Variants in KLHL13 observed in about 807,000 individuals in gnomAD.
KLHL13 encodes the protein kelch-like protein 13.
Under a neutral mutation model 37.1 loss-of-function variants are expected in KLHL13, and 10 were observed. The ratio of observed to expected loss-of-function variants is 0.27; its 90% CI spans 0.17 to 0.46. KLHL13 has a LOEUF of 0.46. Ranked by LOEUF, KLHL13 falls within the 20% of genes least tolerant of loss-of-function variation. The pLI, the probability that KLHL13 is intolerant of heterozygous loss-of-function variation, is 1.00. For synonymous variants in KLHL13, 163 were observed against 181.2 expected (o/e 0.90, Z 0.81); for missense variants, 360 against 509.3 (o/e 0.71, Z 2.82).
At chrX:118,080,246 T>C (rs900462126) in intron 1 of KLHL13, among the ~76,000 whole-genome samples, 9 of 111,589 alleles carry the variant, frequency 8.1e-5, no homozygotes, top group African/African-American at 2.9e-4. Flanking sequence ...CCAAAAGCAA[T>C]TGCAACAAAA....
rs770186746 is a variant in KLHL13, at chrX:118,067,285, A to T, written c.-56+49223T>A. ...CAGTATAAAAGATAAAAAATGGTAC[A>T]CCTGTATAGGGCACTTAGCATGAAT... On this transcript the variant is annotated intron_variant, in intron 1 of 6. Transcript: ENST00000371882. Among the ~76,000 whole-genome samples the T allele has an allele frequency of 2.7e-5, 3 of 111,473 alleles. No individual in the cohort carries two copies. In the South Asian group the frequency reaches 1.1e-3, roughly 42 times the overall value.
intron 1 of KLHL13, among the ~76,000 whole-genome samples, chrX:118,109,731 A>G (rs927091921): frequency 8.9e-6 from 1 of 112,576 alleles, no homozygotes; most frequent in African/African-American, 3.2e-5. Flanking sequence ...TGTTTAGACT[A>G]GCACAATGCT....
intron 1 of KLHL13, among the ~76,000 whole-genome samples, chrX:118,082,617 T>TC (rs773398166): frequency 9.0e-4 from 100 of 111,541 alleles, no homozygotes; most frequent in Non-Finnish European, 6.6e-4. Context: ...TGTAATCCCA[T>TC]CTGTCTATTT....
chrX:118,076,525 G>A (rs1273250775), intron 1 of KLHL13, among the ~76,000 whole-genome samples: 2 of 111,461 alleles, frequency 1.8e-5, no homozygotes, highest in Non-Finnish European at 3.8e-5. Flanking sequence ...AGAAGGACTG[G>A]GAAGAAGAGA....
chrX:118,108,848 C>G (rs1178490339), intron 1 of KLHL13, among the ~76,000 whole-genome samples: 2 of 111,193 alleles, frequency 1.8e-5, no homozygotes, highest in East Asian at 5.6e-4. Flanking sequence ...ACTCCGTCAC[C>G]CAGACTGAAG....
intron 4 of KLHL13, among the ~76,000 whole-genome samples, chrX:117,913,905 C>G (rs1477093950): frequency 9.2e-6 from 1 of 108,740 alleles, no homozygotes; most frequent in Non-Finnish European, 1.9e-5. Flanking sequence ...CCTGTGGGAA[C>G]CTATAAAATT....
chrX:118,084,184 A>C (rs1182731262), intron 1 of KLHL13, among the ~76,000 whole-genome samples: 1 of 110,547 alleles, frequency 9.0e-6, no homozygotes, highest in Non-Finnish European at 1.9e-5. Context: ...TTAAAAACTT[A>C]GCTGGAAGTG....
chrX:118,098,181 T>C (rs1172149560), intron 1 of KLHL13, among the ~76,000 whole-genome samples: 19 of 111,236 alleles, frequency 1.7e-4, no homozygotes, highest in African/African-American at 5.5e-4. Context: ...ACCTACTCAT[T>C]GGACAAAGGG....
chrX:118,019,035 T>C lies in KLHL13; in HGVS notation c.-55-73460A>G, dbSNP rs1355433868. Among the ~76,000 whole-genome samples the C allele has an allele frequency of 6.3e-5, 7 of 111,223 alleles. No individual in the cohort carries two copies. In the East Asian group the frequency reaches 2.0e-3, roughly 31 times the overall value. On this transcript the variant is annotated intron_variant, in intron 1 of 6. Coordinates refer to the KLHL13 transcript ENST00000371882. Reference sequence around the variant, plus strand: ...AAACAAATTAATATATCCATCACCTTCCAGAGTTGCCTTTTTGTGTGGTAA... The same window carrying C: ...AAACAAATTAATATATCCATCACCTCCCAGAGTTGCCTTTTTGTGTGGTAA...
intron 1 of KLHL13, among the ~76,000 whole-genome samples, chrX:118,062,542 G>T (rs2054753178): frequency 9.2e-6 from 1 of 108,500 alleles, no homozygotes; most frequent in Non-Finnish European, 1.9e-5. Flanking sequence ...AAAACTTTTT[G>T]TTTTAAAAAA....
Position 117,972,924 on chromosome X carries a change from C to T in KLHL13, c.-96G>A, listed in dbSNP as rs995297882. On this transcript the variant is annotated 5_prime_UTR_variant, in exon 1 of 7. Coordinates refer to ENST00000262820, the Ensembl canonical transcript of KLHL13. Reference sequence around the variant, plus strand: ...CCACACTGTACTGACACAGCAGTGGCTGCCGCGGAGAACAAGCAAAGGATT... The same window carrying T: ...CCACACTGTACTGACACAGCAGTGGTTGCCGCGGAGAACAAGCAAAGGATT... The T allele has an allele frequency of 4.9e-5, 55 of 1,122,002 alleles. No individual in the cohort carries two copies. In the Middle Eastern group the frequency reaches 1.0e-3, roughly 21 times the overall value. 92.5% of individuals were successfully genotyped at this position (1,122,002 alleles called of 1,213,427 possible).
chrX:118,052,109 T>C (rs1272326220), intron 1 of KLHL13, among the ~76,000 whole-genome samples: 1 of 111,239 alleles, frequency 9.0e-6, no homozygotes, highest in Non-Finnish European at 1.9e-5. Context: ...AGATAAAACT[T>C]CTCAAAAAAC....
Position 117,965,235 on chromosome X carries a change from G to C in KLHL13, c.98+7496C>G, listed in dbSNP as rs762418614. The stretch of plus-strand genomic sequence containing the variant: ...TAAAAGTGTTCCTATTTCTCCACAT[G>C]CTCTCCAGCACCTGTTGTTTCCTGA... On this transcript the variant is annotated intron_variant, in intron 1 of 6. Coordinates refer to ENST00000262820, the Ensembl canonical transcript of KLHL13. 2.1e-4 allele frequency among the ~76,000 whole-genome samples: 23 copies of C among 111,340 alleles called. No homozygotes were observed. The South Asian group carries it at 6.8e-3, about 33-fold the overall frequency.
intron 1 of KLHL13, among the ~76,000 whole-genome samples, chrX:118,020,007 T>C (rs1444512831): frequency 1.4e-3 from 151 of 109,756 alleles, no homozygotes; most frequent in Non-Finnish European, 2.3e-3. Flanking sequence ...AACTTTAAAG[T>C]AGTTTTTTCC....
intron 6 of KLHL13, among the ~76,000 whole-genome samples, chrX:117,900,035 T>C (rs1479921940): frequency 5.3e-5 from 6 of 112,377 alleles, no homozygotes; most frequent in Non-Finnish European, 1.1e-4. Flanking sequence ...GAATGCATAT[T>C]TAAAAATCTA....
chrX:118,071,577 A>G (rs991836353), intron 1 of KLHL13, among the ~76,000 whole-genome samples: 1 of 110,836 alleles, frequency 9.0e-6, no homozygotes, highest in Non-Finnish European at 1.9e-5. Flanking sequence ...TGTCTAGAAA[A>G]CCCCATTGTC....
At position 117,899,704 on chromosome X, in the gene KLHL13, G is replaced by T. The variant is rs748891942; in HGVS notation, c.1481-309C>A. Among the ~76,000 whole-genome samples, 7 of 112,155 alleles carry T rather than the reference G, an allele frequency of 6.2e-5. No homozygotes were observed. In the East Asian group the frequency reaches 2.0e-3, roughly 32 times the overall value. ...TGAAGGAAAATATATTTTGATCACTGATAGAGTTGGGTCTGTAGTAAATTC... is the reference window on the plus strand; with the variant it reads ...TGAAGGAAAATATATTTTGATCACTTATAGAGTTGGGTCTGTAGTAAATTC... On this transcript the variant is annotated intron_variant, in intron 6 of 6. Transcript: ENST00000262820.
intron 5 of KLHL13, among the ~76,000 whole-genome samples, chrX:117,908,742 G>A (rs968930033): frequency 6.3e-5 from 7 of 111,711 alleles, no homozygotes; most frequent in African/African-American, 1.6e-4. Flanking sequence ...CTGATATTAC[G>A]TCAACAGAAT....
chrX:117,996,082 T>C (rs1242933771), intron 1 of KLHL13, among the ~76,000 whole-genome samples: 1 of 111,933 alleles, frequency 8.9e-6, no homozygotes, highest in Non-Finnish European at 1.9e-5. Context: ...AAGGAACCTC[T>C]CAGGTGGACT....
Sources: allele counts gnomAD v4.1 joint callset (sites outside exome capture counted in the v4.1 genomes callset), GRCh38; gene constraint gnomAD v4.1.1; transcripts MANE v1.5; gene names NCBI Gene and HGNC (gene_info 2026-07-23, HGNC 2026-07-21).